MARK1: variants seen among roughly 807,000 people sequenced by gnomAD.
MARK1 encodes microtubule affinity regulating kinase 1.
Under a neutral mutation model 96.3 loss-of-function variants are expected in MARK1, and 40 were observed. The observed-to-expected ratio is 0.42, with a 90% CI of 0.32 to 0.54. The LOEUF (loss-of-function observed/expected upper bound fraction) is 0.54, where lower values mean the gene tolerates loss of function less well. Ranked by LOEUF, MARK1 falls within the 20% of genes least tolerant of loss-of-function variation. MARK1 has a pLI of 0.16. For synonymous variants in MARK1, 317 were observed against 341.2 expected, an observed-to-expected ratio of 0.93 and a Z score of 0.78; for missense variants, 719 against 984.6, an observed-to-expected ratio of 0.73 and a Z score of 3.61.
At position 220,528,492 on chromosome 1, in the gene MARK1, C is replaced by CT. The variant is rs1660064574; in HGVS notation, c.-330dup. 2.1e-4 allele frequency: 78 copies of CT among 378,362 alleles called. No homozygotes were observed. The East Asian group carries it at 3.9e-3, about 19-fold the overall frequency. 23.4% of individuals were successfully genotyped at this position (378,362 alleles called of 1,614,324 possible). Reference sequence around the variant, plus strand: ...CCATGGTCCGGAGAGCCTAGCGGGGCTCGCCACCGCCTCCCGGCTCCCCTT... The same window carrying CT: ...CCATGGTCCGGAGAGCCTAGCGGGGCTTCGCCACCGCCTCCCGGCTCCCCTT... On this transcript the variant is annotated 5_prime_UTR_variant, in exon 1 of 18. Transcript: ENST00000366917.
At chr1:220,551,580 TG>T (rs1445475186) in intron 1 of MARK1, among the ~76,000 whole-genome samples, 1 of 152,230 alleles carries the variant, frequency 6.6e-6, no homozygotes, top group Non-Finnish European at 1.5e-5. Context: ...TATCTTTAGG[TG>T]ATGCTCATTT....
rs1449064626 is a variant in MARK1 at position 220,636,015 on chromosome 1, A to G, written c.1459A>G (p.Thr487Ala). 9 of 1,610,702 alleles carry G rather than the reference A, an allele frequency of 5.6e-6. No individual in the cohort carries two copies. The highest frequency in any genetic ancestry group is 1.3e-5 in the African/African-American group (1 of 74,772). The change falls in exon 13 of 18, where the codon ACT (threonine) becomes GCT (alanine). Residue 487 changes from threonine to alanine, a missense_variant. Thr to Ala is a moderately conservative substitution (Grantham distance 58, BLOSUM62 0). Coordinates refer to ENST00000366917, the MANE Select transcript of MARK1 (RefSeq NM_018650.5). The part of the protein sequence containing the change: ...LVGPERKKSS[T>A]IPSNNVYSGG... ...AGGGCCAGAGAGGAAAAAATCTTCA[A>G]CTATTCCAAGTGTGAGTAAATACTC...
At chr1:220,602,801 TTTGA>T (rs1665832068) in intron 5 of MARK1, among the ~76,000 whole-genome samples, 2 of 152,110 alleles carry the variant, frequency 1.3e-5, no homozygotes, top group South Asian at 4.1e-4. Flanking sequence ...TCATTACGTA[TTTGA>T]TTTTTAATAT....
At chr1:220,564,848 A>G (rs1662927533) in intron 1 of MARK1, among the ~76,000 whole-genome samples, 1 of 151,920 alleles carries the variant, frequency 6.6e-6, no homozygotes, top group Non-Finnish European at 1.5e-5. Flanking sequence ...TTATTCCTGA[A>G]GTAATACTGT....
chr1:220,645,425 G>A (rs900072302), intron 13 of MARK1, among the ~76,000 whole-genome samples: 2 of 152,078 alleles, frequency 1.3e-5, no homozygotes, highest in Non-Finnish European at 2.9e-5. Context: ...GTAATAAATC[G>A]CCTACCAACC....
At position 220,528,335 on chromosome 1, in the gene MARK1, G is replaced by C. The variant is rs1279942669; in HGVS notation, c.-488G>C. 1 of 152,250 alleles carries C rather than the reference G, an allele frequency of 6.6e-6. No individual in the cohort carries two copies. The highest frequency in any genetic ancestry group is 1.5e-5 in the Non-Finnish European group (1 of 68,282). The allele number at this position is 152,250 out of a possible 1,614,324, so 9.4% of individuals were successfully genotyped here. Reference sequence around the variant, plus strand: ...CCGGGCGCGTGGATGCGGCTGGGTCGGGCGGCGCCGTACACCTGAGGCGGA... The same window carrying C: ...CCGGGCGCGTGGATGCGGCTGGGTCCGGCGGCGCCGTACACCTGAGGCGGA... On this transcript the variant is annotated 5_prime_UTR_variant, in exon 1 of 18. Transcript: ENST00000366917.
chr1:220,656,869 A>C (rs1244927560), intron 16 of MARK1, among the ~76,000 whole-genome samples: 1 of 152,180 alleles, frequency 6.6e-6, no homozygotes, highest in African/African-American at 2.4e-5. Flanking sequence ...TCATATTCTT[A>C]AGAACAATTT....
intron 9 of MARK1, among the ~76,000 whole-genome samples, chr1:220,620,551 A>G (rs1053079108): frequency 6.6e-6 from 1 of 152,200 alleles, no homozygotes; most frequent in Non-Finnish European, 1.5e-5. Context: ...ACAGATCTCT[A>G]TGGACAGTAG....
chr1:220,653,355 C>G lies in MARK1; in HGVS notation c.1988+3C>G. 5 of 1,614,078 alleles carry G rather than the reference C, an allele frequency of 3.1e-6. No individual in the cohort carries two copies. The highest frequency in any genetic ancestry group is 4.2e-6 in the Non-Finnish European group (5 of 1,179,980). ...ATCACATCCAAATTTGTTCGCAGGT[C>G]AGTACCAATGTACTGTCGTGTTTTG... On this transcript the variant is annotated splice_donor_region_variant and intron_variant, in intron 16 of 17. Coordinates refer to ENST00000366917, the MANE Select transcript of MARK1 (RefSeq NM_018650.5).
At chr1:220,530,202 T>C (rs1660221176) in intron 1 of MARK1, among the ~76,000 whole-genome samples, 1 of 124,528 alleles carries the variant, frequency 8.0e-6, no homozygotes, top group South Asian at 3.2e-4. Flanking sequence ...CAGAGTATGC[T>C]TTTGTCTTCC....
In MARK1 at chr1:220,528,868, GA is replaced by G; in HGVS notation, c.50del (p.Asn17IlefsTer50). The G allele has an allele frequency of 6.4e-7, 1 of 1,570,606 alleles. No individual in the cohort carries two copies. Among genetic ancestry groups the G allele is most frequent in the Non-Finnish European group, 8.6e-7 (1 of 1,157,396 alleles). ...PLPTVNERDTENHTSVDGYTE... is the reference protein window; with the variant it reads ...PLPTVNERDTXNHTSVDGYTE... Reference sequence around the variant, plus strand: ...GCCGACGGTGAACGAGCGGGACACGGAAAATGTGAGTAACCGGAGCCTCCCT... The same window carrying G: ...GCCGACGGTGAACGAGCGGGACACGGAAATGTGAGTAACCGGAGCCTCCCT... On this transcript the variant is annotated frameshift_variant, in exon 1 of 18. Transcript: ENST00000366917. LOFTEE classifies it high-confidence loss of function.
At chr1:220,537,092 T>A (rs1660748523) in intron 1 of MARK1, among the ~76,000 whole-genome samples, 2 of 138,280 alleles carry the variant, frequency 1.4e-5, no homozygotes, top group South Asian at 4.9e-4. Flanking sequence ...TATCACCTAG[T>A]TTTTTTTTTT....
intron 4 of MARK1, 128 bp from the exon 5 acceptor site, chr1:220,599,669 TA>T (rs1458663569): frequency 4.3e-6 from 2 of 467,074 alleles, no homozygotes; most frequent in East Asian, 3.3e-5. Flanking sequence ...TTTTTGAACT[TA>T]AAATTGTGAT....
chr1:220,632,380 C>A, intron 11 of MARK1, 67 bp downstream of exon 11: 1 of 657,076 alleles, frequency 1.5e-6, no homozygotes, highest in Non-Finnish European at 2.5e-6. Flanking sequence ...TTAATATATT[C>A]TTTGTGGAAT....
intron 9 of MARK1, chr1:220,627,045 C>T (rs1667384810): frequency 5.5e-6 from 3 of 542,376 alleles, no homozygotes; most frequent in South Asian, 2.8e-5. Context: ...CACATCAGTC[C>T]TTCCAGTATG....
chr1:220,642,199 T>C (rs1668310881), intron 13 of MARK1, among the ~76,000 whole-genome samples: 1 of 152,216 alleles, frequency 6.6e-6, no homozygotes, highest in African/African-American at 2.4e-5. Flanking sequence ...GAATCCCCAC[T>C]GGCCAGCACA....
At chr1:220,633,826 G>A (rs1210100397) in intron 11 of MARK1, among the ~76,000 whole-genome samples, 1 of 152,206 alleles carries the variant, frequency 6.6e-6, no homozygotes, top group East Asian at 1.9e-4. Context: ...GGGGAAGAGG[G>A]GAAGTTCAAT....
At chr1:220,571,908 T>C (rs1663491128) in intron 1 of MARK1, 1 of 152,226 alleles carries the variant, frequency 6.6e-6, no homozygotes, top group African/African-American at 2.4e-5. Context: ...GTCACCATAT[T>C]GATGCTGAAC....
At chr1:220,659,304 A>G (rs139221506) in intron 17 of MARK1, among the ~76,000 whole-genome samples, 4 of 152,272 alleles carry the variant, frequency 2.6e-5, no homozygotes, top group Non-Finnish European at 4.4e-5. Context: ...ACAGCAAGGA[A>G]CATAGGTGGG....
Sources: gnomAD v4.1 joint callset for allele counts (sites outside exome capture counted in the v4.1 genomes callset) on GRCh38, gnomAD v4.1.1 for gene constraint, MANE v1.5 for transcripts, NCBI Gene and HGNC (gene_info 2026-07-23, HGNC 2026-07-21) for gene names.